The following MYO3B variants were observed in gnomAD, a reference collection of about 807,000 sequenced individuals.
MYO3B encodes myosin IIIB.
Under a neutral mutation model 174.6 loss-of-function variants are expected in MYO3B, and 156 were observed. The observed-to-expected ratio is 0.89, with a 90% CI of 0.78 to 1.02. The LOEUF (loss-of-function observed/expected upper bound fraction) is 1.02, where lower values mean the gene tolerates loss of function less well. Among genes scored for constraint, MYO3B ranks in the 50% least tolerant of loss-of-function variants. The probability of loss-of-function intolerance (pLI) is 0.00; values close to 1 mark genes in which losing one functional copy is unlikely to be tolerated. For synonymous variants in MYO3B, 563 were observed against 569.1 expected (o/e 0.99, Z 0.15); for missense variants, 1,632 against 1,639.4 (o/e 1.00, Z 0.08).
At chr2:170,505,621 C>T (rs1687577450) in intron 28 of MYO3B, among the ~76,000 whole-genome samples, 1 of 152,202 alleles carries the variant, frequency 6.6e-6, no homozygotes, top group Admixed American at 6.5e-5. Context: ...CTGCAGGGAA[C>T]TTTATTAAAG....
At chr2:170,557,985 A>G (rs2106244625) in intron 32 of MYO3B, among the ~76,000 whole-genome samples, 1 of 152,196 alleles carries the variant, frequency 6.6e-6, no homozygotes, top group South Asian at 2.1e-4. Flanking sequence ...CTGAAATGTA[A>G]CATGCTTACA....
rs61527598 is a variant in MYO3B at position 170,483,375 on chromosome 2, CTTTTTTTTTTTTT to C, written c.3015-15200_3015-15188del. Among the ~76,000 whole-genome samples, 103 of 62,108 alleles carry C rather than the reference CTTTTTTTTTTTTT, an allele frequency of 1.7e-3. 12 individuals carry two copies. Among genetic ancestry groups the C allele is most frequent in the African/African-American group, 6.0e-3 (80 of 13,356 alleles). 40.7% of individuals were successfully genotyped at this position (62,108 alleles called of 152,430 possible). A position where few individuals can be genotyped will look rare whatever the true frequency, so the allele number is the denominator to read the frequency against. On this transcript the variant is annotated intron_variant, in intron 25 of 34. Transcript: ENST00000408978. ...AATTAAAACTCCTTGCTTGGGGATTCTTTTTTTTTTTTTTTTTTTTTTTTTTTTTGAGACGGAG... is the reference window on the plus strand; with the variant it reads ...AATTAAAACTCCTTGCTTGGGGATTCTTTTTTTTTTTTTTTTGAGACGGAG...
At chr2:170,303,878 A>G (rs746187129) in intron 7 of MYO3B, among the ~76,000 whole-genome samples, 4 of 152,106 alleles carry the variant, frequency 2.6e-5, no homozygotes, top group Non-Finnish European at 4.4e-5. Context: ...ATGATCATAC[A>G]TTTGTGTTTT....
chr2:170,459,507 CA>C (rs1684120065), intron 23 of MYO3B, among the ~76,000 whole-genome samples: 1 of 152,192 alleles, frequency 6.6e-6, no homozygotes, highest in South Asian at 2.1e-4. Context: ...GGTGCATTTA[CA>C]AACCTTTAAC....
intron 7 of MYO3B, among the ~76,000 whole-genome samples, chr2:170,254,061 G>C (rs1376858643): frequency 2.0e-5 from 3 of 152,066 alleles, no homozygotes; most frequent in African/African-American, 7.2e-5. Context: ...ATTGAAGAGG[G>C]AGGAAGCTGG....
intron 30 of MYO3B, among the ~76,000 whole-genome samples, chr2:170,520,957 C>T (rs1688637242): frequency 6.6e-6 from 1 of 152,100 alleles, no homozygotes; most frequent in Non-Finnish European, 1.5e-5. Flanking sequence ...TGAAACTCAC[C>T]TTTCTTATTT....
chr2:170,520,724 G>A (rs990873903), intron 30 of MYO3B, among the ~76,000 whole-genome samples: 1 of 152,022 alleles, frequency 6.6e-6, no homozygotes, highest in African/African-American at 2.4e-5. Flanking sequence ...TGCAGGGCCC[G>A]ATACCCTGGC....
At chr2:170,367,522 T>C (rs548455904) in intron 8 of MYO3B, among the ~76,000 whole-genome samples, 1 of 152,252 alleles carries the variant, frequency 6.6e-6, no homozygotes, top group East Asian at 1.9e-4. Flanking sequence ...TCAGAGGACA[T>C]AGGGGCTATG....
At chr2:170,195,661 C>T (rs551985605) in intron 1 of MYO3B, among the ~76,000 whole-genome samples, 3 of 152,304 alleles carry the variant, frequency 2.0e-5, no homozygotes, top group Non-Finnish European at 4.4e-5. Flanking sequence ...CACTGTAACA[C>T]ATGCCCACTT....
intron 8 of MYO3B, among the ~76,000 whole-genome samples, chr2:170,339,913 G>A (rs1355578414): frequency 1.3e-5 from 2 of 152,094 alleles, no homozygotes; most frequent in Non-Finnish European, 2.9e-5. Context: ...CCTCTATAAT[G>A]TGTGGTTGGC....
rs1574591706 is a variant in MYO3B, at chr2:170,214,617, C to T, written c.427-112C>T. The T allele has an allele frequency of 2.3e-6, 3 of 1,300,896 alleles. No homozygotes were observed. In the South Asian group the frequency reaches 3.7e-5, roughly 16 times the overall value. The allele number at this position is 1,300,896 out of a possible 1,614,324, so 80.6% of individuals were successfully genotyped here. On this transcript the variant is annotated intron_variant, in intron 4 of 34. Coordinates refer to ENST00000408978, the MANE Select transcript of MYO3B (RefSeq NM_138995.5). The stretch of plus-strand genomic sequence containing the variant: ...ATTACTAACAGCAGGAAGGTGTAGC[C>T]AAATGTAGACTTTCATGAGACTTTT...
At position 170,378,401 on chromosome 2, in the gene MYO3B, T is replaced by C. The variant is rs190873503; in HGVS notation, c.972-3615T>C. On this transcript the variant is annotated intron_variant, in intron 9 of 34. Coordinates refer to ENST00000408978, the MANE Select transcript of MYO3B (RefSeq NM_138995.5). ...GAAGTCTTGCATCTACATCCACTTC[T>C]AGATTGCCTACTTCACTTTTAGGAG... 1.1e-4 allele frequency among the ~76,000 whole-genome samples: 16 copies of C among 152,342 alleles called. No homozygotes were observed. The East Asian group carries it at 3.1e-3, about 29-fold the overall frequency.
At chr2:170,546,634 C>T (rs903971812) in intron 32 of MYO3B, among the ~76,000 whole-genome samples, 15 of 152,132 alleles carry the variant, frequency 9.9e-5, no homozygotes, top group Non-Finnish European at 2.1e-4. Flanking sequence ...TCTTAGAAAA[C>T]GACAAAGATG....
intron 23 of MYO3B, among the ~76,000 whole-genome samples, chr2:170,460,571 G>A (rs1684225723): frequency 6.7e-6 from 1 of 149,024 alleles, no homozygotes; most frequent in African/African-American, 2.5e-5. Flanking sequence ...TTACAGATAA[G>A]CATTAGCATT....
At position 170,280,712 on chromosome 2, in the gene MYO3B, G is replaced by A. The variant is rs190792531; in HGVS notation, c.749+44576G>A. 1.4e-4 allele frequency among the ~76,000 whole-genome samples: 21 copies of A among 152,216 alleles called. No individual in the cohort carries two copies. The East Asian group carries it at 3.5e-3, about 25-fold the overall frequency. On this transcript the variant is annotated intron_variant, in intron 7 of 34. Coordinates refer to ENST00000408978, the MANE Select transcript of MYO3B (RefSeq NM_138995.5). ...TGCATTTGGCTAATCAGTTATCCCA[G>A]CACCATTTATTGAATAGGGAATCTT...
chr2:170,373,231 C>G (rs1372430516), intron 9 of MYO3B, among the ~76,000 whole-genome samples: 1 of 152,150 alleles, frequency 6.6e-6, no homozygotes, highest in Admixed American at 6.6e-5. Context: ...TGGGGCCTAC[C>G]CAAACTGGGC....
At chr2:170,352,558 T>C (rs1051707636) in intron 8 of MYO3B, among the ~76,000 whole-genome samples, 1 of 152,138 alleles carries the variant, frequency 6.6e-6, no homozygotes, top group Non-Finnish European at 1.5e-5. Flanking sequence ...ACATAAGCAG[T>C]GGTGTACTGG....
Position 170,336,733 on chromosome 2 carries a change from CT to C in MYO3B, c.815+1286del, listed in dbSNP as rs543250163. 1.7e-4 allele frequency among the ~76,000 whole-genome samples: 26 copies of C among 152,258 alleles called. No individual in the cohort carries two copies. In the South Asian group the frequency reaches 5.0e-3, roughly 29 times the overall value. Reference sequence around the variant, plus strand: ...ATATACAGTAAATGTACCAGTTTACCTTTGTAAAATTTGATAAAATTCTGAA... The same window carrying C: ...ATATACAGTAAATGTACCAGTTTACCTTGTAAAATTTGATAAAATTCTGAA... On this transcript the variant is annotated intron_variant, in intron 8 of 34. Coordinates refer to ENST00000408978, the MANE Select transcript of MYO3B (RefSeq NM_138995.5).
chr2:170,509,891 G>A (rs1687874810), intron 28 of MYO3B, among the ~76,000 whole-genome samples: 1 of 152,186 alleles, frequency 6.6e-6, no homozygotes. Context: ...TTAACCCACA[G>A]TGACGGGTGA....
Sources: gnomAD v4.1 joint callset for allele counts (sites outside exome capture counted in the v4.1 genomes callset) on GRCh38, gnomAD v4.1.1 for gene constraint, MANE v1.5 for transcripts, NCBI Gene and HGNC (gene_info 2026-07-23, HGNC 2026-07-21) for gene names.